Variants in ATP6V1A observed in about 807,000 individuals in gnomAD.
ATP6V1A encodes the protein V-type proton ATPase catalytic subunit A.
In ATP6V1A, 18 loss-of-function variants were observed where a neutral mutation model predicts 70.1. The ratio of observed to expected loss-of-function variants is 0.26; its 90% CI spans 0.18 to 0.38. The LOEUF (loss-of-function observed/expected upper bound fraction) is 0.38. Ranked by LOEUF, ATP6V1A falls within the 10% of genes least tolerant of loss-of-function variation. ATP6V1A has a pLI of 1.00. For synonymous variants in ATP6V1A, 232 were observed against 253.8 expected, an observed-to-expected ratio of 0.91 and a Z score of 0.82; for missense variants, 424 against 772.4, an observed-to-expected ratio of 0.55 and a Z score of 5.35.
chr3:113,778,134 C>T (rs1279530243), intron 1 of ATP6V1A, among the ~76,000 whole-genome samples: 1 of 152,134 alleles, frequency 6.6e-6, no homozygotes, highest in African/African-American at 2.4e-5. Context: ...TGGCTCACGT[C>T]TGTAGTCCCA....
At chr3:113,788,592 C>T (rs985772845) in intron 6 of ATP6V1A, 121 bp from the exon 7 acceptor site, 20 of 815,316 alleles carry the variant, frequency 2.5e-5, no homozygotes, top group African/African-American at 3.5e-5. Flanking sequence ...ATGATCCACC[C>T]GCTTCGGCCC....
In ATP6V1A at chr3:113,795,942, A is replaced by G; in HGVS notation, c.1290+3A>G. The G allele has an allele frequency of 1.9e-6, 3 of 1,607,448 alleles. No homozygotes were observed. The highest frequency in any genetic ancestry group is 1.7e-4 in the Middle Eastern group (1 of 6,048). On this transcript the variant is annotated splice_donor_region_variant and intron_variant, in intron 11 of 14. Coordinates refer to ENST00000273398, the MANE Select transcript of ATP6V1A (RefSeq NM_001690.4). ...CTGCCACTCTTGGTATCGTTCAGGT[A>G]TGTCTTTCCCTAGTATAGTCAACTT... is the stretch of plus-strand genomic sequence containing the variant.
intron 1 of ATP6V1A, among the ~76,000 whole-genome samples, chr3:113,756,790 G>A (rs1708651186): frequency 1.3e-5 from 2 of 152,192 alleles, no homozygotes; most frequent in African/African-American, 2.4e-5. Flanking sequence ...CTGATTTTAT[G>A]TACCAAAGCA....
chr3:113,775,995 T>A (rs893826970), intron 1 of ATP6V1A, among the ~76,000 whole-genome samples: 1 of 152,210 alleles, frequency 6.6e-6, no homozygotes, highest in African/African-American at 2.4e-5. Context: ...CTCTTTAGAT[T>A]CCAATGTTTT....
At chr3:113,780,859 A>C (rs1191307059) in intron 2 of ATP6V1A, 191 bp from the exon 3 acceptor site, 1 of 1,335,706 alleles carries the variant, frequency 7.5e-7, no homozygotes, top group East Asian at 3.1e-5. Context: ...TCTTTGGCTT[A>C]CCTCTTTATA....
At position 113,784,216 on chromosome 3, in the gene ATP6V1A, G is replaced by C; in HGVS notation, c.212-8G>C. On this transcript the variant is annotated splice_polypyrimidine_tract_variant and splice_region_variant and intron_variant, in intron 3 of 14. Coordinates refer to ENST00000273398, the MANE Select transcript of ATP6V1A (RefSeq NM_001690.4). ...TCATAGTAGGTTTTCCTTAGCTGCT[G>C]TTTTTAGCTGGTGTGTCTGTTGGAG... 6.2e-7 allele frequency: 1 copy of C among 1,613,246 alleles called. No homozygotes were observed.
At chr3:113,759,801 C>T (rs568906927) in intron 1 of ATP6V1A, among the ~76,000 whole-genome samples, 48 of 152,174 alleles carry the variant, frequency 3.2e-4, no homozygotes, top group South Asian at 6.2e-4. Flanking sequence ...TTTCTATTTC[C>T]CCCCACACCC....
chr3:113,778,867 A>T (rs1708947539), intron 2 of ATP6V1A, 32 bp downstream of exon 2: 2 of 1,360,220 alleles, frequency 1.5e-6, no homozygotes, highest in East Asian at 2.5e-5. Flanking sequence ...CAAAATAAGG[A>T]TATCTAACTT....
chr3:113,786,773 CTTCT>C (rs1709044127), intron 6 of ATP6V1A, among the ~76,000 whole-genome samples: 1 of 150,494 alleles, frequency 6.6e-6, no homozygotes, highest in Admixed American at 6.6e-5. Flanking sequence ...TCTTCTTCTT[CTTCT>C]TTTTTTTTTT....
At chr3:113,747,401 C>G (rs555896075) in intron 1 of ATP6V1A, 3 of 152,518 alleles carry the variant, frequency 2.0e-5, no homozygotes, top group Non-Finnish European at 4.4e-5. Context: ...CAGATTGTTT[C>G]AGCCATTTCA....
At chr3:113,787,608 A>G (rs1709051338) in intron 6 of ATP6V1A, among the ~76,000 whole-genome samples, 1 of 152,192 alleles carries the variant, frequency 6.6e-6, no homozygotes, top group African/African-American at 2.4e-5. Flanking sequence ...CACTCAATAA[A>G]CCAAAAGCAT....
chr3:113,809,493 A>G lies in ATP6V1A; in HGVS notation c.*66A>G. ...AAGCTCCTATGTGTATATTTTCCTGAATTTCTCATCTCAAACCCTTTGCTT... is the reference window on the plus strand; with the variant it reads ...AAGCTCCTATGTGTATATTTTCCTGGATTTCTCATCTCAAACCCTTTGCTT... On this transcript the variant is annotated 3_prime_UTR_variant, in exon 15 of 15. Transcript: ENST00000273398. The G allele has an allele frequency of 7.0e-7, 1 of 1,424,190 alleles. No individual in the cohort carries two copies. Among genetic ancestry groups the G allele is most frequent in the Non-Finnish European group, 9.8e-7 (1 of 1,024,386 alleles). 88.2% of individuals were successfully genotyped at this position (1,424,190 alleles called of 1,614,324 possible). A position where few individuals can be genotyped will look rare whatever the true frequency, so the allele number is the denominator to read the frequency against.
intron 5 of ATP6V1A, among the ~76,000 whole-genome samples, chr3:113,785,592 T>C (rs926132748): frequency 7.0e-6 from 1 of 142,332 alleles, no homozygotes; most frequent in African/African-American, 2.6e-5. Flanking sequence ...CACTGTAGCC[T>C]CAACCTGCTG....
chr3:113,810,495 T>C lies in ATP6V1A; in HGVS notation c.*1068T>C, dbSNP rs2108049691. The C allele has an allele frequency of 6.6e-6, 1 of 152,348 alleles. No individual in the cohort carries two copies. Among genetic ancestry groups the C allele is most frequent in the East Asian group, 1.9e-4 (1 of 5,196 alleles). The allele number at this position is 152,348 out of a possible 1,614,324, so 9.4% of individuals were successfully genotyped here. Reference sequence around the variant, plus strand: ...GTTTATTTCACTAGAAAAAATTTAATATCAAGGACTATTACATACTTCATT... The same window carrying C: ...GTTTATTTCACTAGAAAAAATTTAACATCAAGGACTATTACATACTTCATT... On this transcript the variant is annotated 3_prime_UTR_variant, in exon 15 of 15. Transcript: ENST00000273398.
intron 12 of ATP6V1A, among the ~76,000 whole-genome samples, chr3:113,801,638 C>T (rs1709213434): frequency 6.6e-6 from 1 of 152,038 alleles, no homozygotes; most frequent in South Asian, 2.1e-4. Context: ...TCTGAATGTC[C>T]TCTACTGTGA....
chr3:113,787,960 AC>A (rs1709054938), intron 6 of ATP6V1A, among the ~76,000 whole-genome samples: 1 of 152,142 alleles, frequency 6.6e-6, no homozygotes, highest in African/African-American at 2.4e-5. Flanking sequence ...TCATTCTGTG[AC>A]CCAGGCTGGA....
intron 3 of ATP6V1A, among the ~76,000 whole-genome samples, chr3:113,783,182 T>C (rs1708998409): frequency 6.6e-6 from 1 of 152,238 alleles, no homozygotes; most frequent in South Asian, 2.1e-4. Context: ...TGTACCATTA[T>C]TTACTTATCA....
chr3:113,769,681 C>T (rs1259151714), intron 1 of ATP6V1A, among the ~76,000 whole-genome samples: 3 of 152,024 alleles, frequency 2.0e-5, no homozygotes, highest in African/African-American at 7.2e-5. Context: ...AAATTTTTTC[C>T]TCTGGTGTTA....
chr3:113,750,676 A>T (rs1236992440), intron 1 of ATP6V1A, among the ~76,000 whole-genome samples: 1 of 152,244 alleles, frequency 6.6e-6, no homozygotes, highest in African/African-American at 2.4e-5. Flanking sequence ...AAATCTATAG[A>T]TGGTGCTATT....
Sources: gnomAD v4.1 joint callset for allele counts (sites outside exome capture counted in the v4.1 genomes callset) on GRCh38, gnomAD v4.1.1 for gene constraint, MANE v1.5 for transcripts, NCBI Gene and HGNC (gene_info 2026-07-23, HGNC 2026-07-21) for gene names.